The following NR3C2 variants were observed in gnomAD, a reference collection of about 807,000 sequenced individuals.
NR3C2 encodes the protein mineralocorticoid receptor.
In NR3C2, 15 loss-of-function variants were observed where a neutral mutation model predicts 86.4. The observed-to-expected ratio is 0.17, with a 90% confidence interval of 0.12 to 0.27. The LOEUF is 0.27. Ranked by LOEUF, NR3C2 falls within the 10% of genes least tolerant of loss-of-function variation. NR3C2 has a pLI of 1.00. For missense variants in NR3C2, 960 were observed against 1,195.6 expected, an observed-to-expected ratio of 0.80 and a Z score of 2.91; for synonymous variants, 458 against 450.5, an observed-to-expected ratio of 1.02 and a Z score of -0.21.
chr4:148,382,706 T>A (rs993678130), intron 2 of NR3C2, among the ~76,000 whole-genome samples: 1 of 152,222 alleles, frequency 6.6e-6, no homozygotes, highest in East Asian at 1.9e-4. Context: ...TAAAAAATGC[T>A]ATATATAGCA....
intron 2 of NR3C2, among the ~76,000 whole-genome samples, chr4:148,280,308 T>A (rs1035201246): frequency 6.6e-6 from 1 of 152,168 alleles, no homozygotes; most frequent in Non-Finnish European, 1.5e-5. Flanking sequence ...AAAAATGACT[T>A]GTTCTGCAAT....
At chr4:148,298,033 G>C (rs901605070) in intron 2 of NR3C2, among the ~76,000 whole-genome samples, 2 of 152,150 alleles carry the variant, frequency 1.3e-5, no homozygotes, top group Admixed American at 6.5e-5. Flanking sequence ...ATGTCCAGCA[G>C]TTTCTTCTTC....
At chr4:148,289,027 A>C (rs1051903016) in intron 2 of NR3C2, among the ~76,000 whole-genome samples, 1 of 152,144 alleles carries the variant, frequency 6.6e-6, no homozygotes, top group Non-Finnish European at 1.5e-5. Context: ...GAAACTTATG[A>C]GACATAAAGA....
intron 4 of NR3C2, among the ~76,000 whole-genome samples, chr4:148,177,199 ACT>A (rs1735417123): frequency 6.6e-6 from 1 of 152,084 alleles, no homozygotes; most frequent in Non-Finnish European, 1.5e-5. Flanking sequence ...AATAACTTTT[ACT>A]CTCCTTTATT....
chr4:148,370,735 G>C (rs549477055), intron 2 of NR3C2, among the ~76,000 whole-genome samples: 8 of 152,132 alleles, frequency 5.3e-5, no homozygotes, highest in Non-Finnish European at 1.2e-4. Flanking sequence ...ATAAAATAAA[G>C]AGGGATCCAT....
intron 2 of NR3C2, among the ~76,000 whole-genome samples, chr4:148,396,755 G>A (rs1409723665): frequency 2.0e-5 from 3 of 152,080 alleles, no homozygotes; most frequent in Non-Finnish European, 4.4e-5. Context: ...ATGATTAGCT[G>A]AAAACATTAC....
At chr4:148,323,516 C>G (rs920489520) in intron 2 of NR3C2, among the ~76,000 whole-genome samples, 1 of 149,522 alleles carries the variant, frequency 6.7e-6, no homozygotes, top group Non-Finnish European at 1.5e-5. Flanking sequence ...GACTGCTGTG[C>G]TAGCAATCAG....
chr4:148,232,411 T>C (rs886899441), intron 3 of NR3C2, among the ~76,000 whole-genome samples: 2 of 152,220 alleles, frequency 1.3e-5, no homozygotes, highest in African/African-American at 4.8e-5. Flanking sequence ...CAGCATGCAA[T>C]AATATTTTGA....
chr4:148,427,925 C>CA (rs977582861), intron 2 of NR3C2, among the ~76,000 whole-genome samples: 1 of 152,100 alleles, frequency 6.6e-6, no homozygotes, highest in Non-Finnish European at 1.5e-5. Flanking sequence ...CTTCACAAAA[C>CA]AAAAAACAAT....
chr4:148,236,059 T>C (rs1429543639), intron 3 of NR3C2, among the ~76,000 whole-genome samples: 5 of 152,190 alleles, frequency 3.3e-5, no homozygotes, highest in Admixed American at 3.3e-4. Context: ...CCAGTGCAGC[T>C]CCAGGGAGGG....
At chr4:148,429,577 A>G (rs1427629071) in intron 2 of NR3C2, among the ~76,000 whole-genome samples, 3 of 152,244 alleles carry the variant, frequency 2.0e-5, no homozygotes, top group Non-Finnish European at 4.4e-5. Flanking sequence ...TTTCTAGAGC[A>G]TAAATTAACA....
At chr4:148,215,463 A>G (rs1293803587) in intron 3 of NR3C2, among the ~76,000 whole-genome samples, 1 of 152,220 alleles carries the variant, frequency 6.6e-6, no homozygotes, top group African/African-American at 2.4e-5. Flanking sequence ...GATAAACAGT[A>G]TGGAGAGCTG....
intron 2 of NR3C2, among the ~76,000 whole-genome samples, chr4:148,381,822 C>A (rs61763849): frequency 6.6e-6 from 1 of 152,140 alleles, no homozygotes; most frequent in South Asian, 2.1e-4. Context: ...GCTCTGTTAA[C>A]GCTTGTGTGT....
intron 4 of NR3C2, among the ~76,000 whole-genome samples, chr4:148,162,074 C>T (rs1734687507): frequency 6.6e-6 from 1 of 152,160 alleles, no homozygotes; most frequent in Non-Finnish European, 1.5e-5. Context: ...GGGAATCCAC[C>T]TGGAGTCAAG....
chr4:148,399,819 A>G (rs1037136143), intron 2 of NR3C2, among the ~76,000 whole-genome samples: 1 of 152,154 alleles, frequency 6.6e-6, no homozygotes, highest in Non-Finnish European at 1.5e-5. Flanking sequence ...ACTCAAGCCC[A>G]TGGACAATCA....
chr4:148,219,377 G>A lies in NR3C2; in HGVS notation c.1898-24515C>T, dbSNP rs376305393. Among the ~76,000 whole-genome samples, 5 of 152,266 alleles carry A rather than the reference G, an allele frequency of 3.3e-5. No individual in the cohort carries two copies. In the East Asian group the frequency reaches 7.7e-4, roughly 23 times the overall value. On this transcript the variant is annotated intron_variant, in intron 3 of 8. Transcript: ENST00000358102. ...TTTTGAATACAAGTTCCTAATTAAT[G>A]TCTTTAACTTTGCCTGGAACTCTAA...
Position 148,112,140 on chromosome 4 carries a change from A to C in NR3C2, c.2799+1964T>G, listed in dbSNP as rs1443671366. Among the ~76,000 whole-genome samples the C allele has an allele frequency of 3.9e-5, 6 of 152,084 alleles. No homozygotes were observed. The East Asian group carries it at 1.2e-3, about 29-fold the overall frequency. On this transcript the variant is annotated intron_variant, in intron 8 of 8. Coordinates refer to ENST00000358102, the MANE Select transcript of NR3C2 (RefSeq NM_000901.5). ...TGGTGGGGGAAAAAAAAAAACTAGC[A>C]AAGGAGGTTTTGACCCATGGACCAC...
chr4:148,140,193 A>G (rs1230450819), intron 6 of NR3C2, among the ~76,000 whole-genome samples: 1 of 152,052 alleles, frequency 6.6e-6, no homozygotes, highest in Non-Finnish European at 1.5e-5. Context: ...TTCTCCATTT[A>G]CCAAATTTTC....
In NR3C2 at chr4:148,371,431, C is replaced by A. The variant is rs191213123; in HGVS notation, c.1757+63673G>T. ...GAATGAGCTAGATAAATGCTTGAGA[C>A]CCCCTTGGGGTTTGATGACTTAATG... On this transcript the variant is annotated intron_variant, in intron 2 of 8. Transcript: ENST00000358102. 5.3e-5 allele frequency among the ~76,000 whole-genome samples: 8 copies of A among 152,236 alleles called. No individual in the cohort carries two copies. The East Asian group carries it at 1.2e-3, about 22-fold the overall frequency.
Sources: allele counts gnomAD v4.1 joint callset (sites outside exome capture counted in the v4.1 genomes callset), GRCh38; gene constraint gnomAD v4.1.1; transcripts MANE v1.5; gene names NCBI Gene and HGNC (gene_info 2026-07-23, HGNC 2026-07-21).